Variants in PPARGC1A observed in about 807,000 individuals in gnomAD.
PPARGC1A encodes peroxisome proliferator-activated receptor gamma coactivator 1-alpha.
A neutral mutation model predicts 88.7 loss-of-function variants in PPARGC1A; 25 were observed. That is an observed-to-expected ratio of 0.28 (90% confidence interval 0.21 to 0.39). The LOEUF (loss-of-function observed/expected upper bound fraction) is 0.39, where lower values mean the gene tolerates loss of function less well. Ranked by LOEUF, PPARGC1A falls within the 10% of genes least tolerant of loss-of-function variation. PPARGC1A has a pLI of 1.00. For synonymous variants in PPARGC1A, 363 were observed against 355.6 expected (o/e 1.02, Z -0.24); for missense variants, 880 against 968.7 (o/e 0.91, Z 1.22).
chr4:23,824,479 T>A lies in PPARGC1A; in HGVS notation c.787A>T (p.Thr263Ser). The A allele has an allele frequency of 6.2e-7, 1 of 1,609,852 alleles. No homozygotes were observed. Among genetic ancestry groups the A allele is most frequent in the Non-Finnish European group, 8.5e-7 (1 of 1,176,684 alleles). ...AKPTTLSLPL[T>S]PESPNDPKGS... is the part of the protein sequence containing the mutation. ...AATACTTACTTTGGTGACTCTGGGGTCAGAGGAAGAGATAAAGTTGTTGGT... is the reference window on the plus strand; with the variant it reads ...AATACTTACTTTGGTGACTCTGGGGACAGAGGAAGAGATAAAGTTGTTGGT... Residue 263 changes from threonine (T) to serine (S), a missense_variant, in exon 6 of 13, where the codon ACC (threonine) becomes TCC (serine). By Grantham distance (58) the Thr-to-Ser change is moderately conservative (BLOSUM62 1). Coordinates refer to ENST00000264867, the MANE Select transcript of PPARGC1A (RefSeq NM_013261.5).
chr4:23,941,133 C>T, the PPARGC1A span, among the ~76,000 whole-genome samples: 275 of 151,888 alleles, frequency 1.8e-3, 1 homozygote, highest in South Asian at 0.013. Flanking sequence ...TCACTGTATC[C>T]CCCAACTCCC....
At chr4:24,353,380 G>T in the PPARGC1A span, among the ~76,000 whole-genome samples, 13 of 126,690 alleles carry the variant, frequency 1.0e-4, no homozygotes, top group African/African-American at 3.9e-4. Context: ...CCCTCCCTCT[G>T]TGGGCTTAAA....
At chr4:24,339,309 T>C in the PPARGC1A span, among the ~76,000 whole-genome samples, 1 of 151,442 alleles carries the variant, frequency 6.6e-6, no homozygotes, top group Admixed American at 6.6e-5. Context: ...TATTCCATTG[T>C]ATTCAGTTCA....
At chr4:24,305,133 G>A in the PPARGC1A span, among the ~76,000 whole-genome samples, 100 of 142,912 alleles carry the variant, frequency 7.0e-4, 2 homozygotes, top group East Asian at 0.019. Flanking sequence ...ATATGTGTAT[G>A]TATATATATA....
chr4:23,974,842 A>AGAG, the PPARGC1A span, among the ~76,000 whole-genome samples: 2 of 63,878 alleles, frequency 3.1e-5, no homozygotes, highest in African/African-American at 1.2e-4. Flanking sequence ...TTTTTAGTAG[A>AGAG]GAGGGGGTTT....
the PPARGC1A span, among the ~76,000 whole-genome samples, chr4:24,346,077 C>A: frequency 6.6e-6 from 1 of 152,014 alleles, no homozygotes; most frequent in Non-Finnish European, 1.5e-5. Flanking sequence ...TGTGGTGTAC[C>A]ACATCTATTG....
chr4:24,256,857 C>T, the PPARGC1A span, among the ~76,000 whole-genome samples: 1 of 152,102 alleles, frequency 6.6e-6, no homozygotes, highest in Non-Finnish European at 1.5e-5. Context: ...AGAATGGGGC[C>T]TGGAGAAGAT....
chr4:24,193,205 T>G, the PPARGC1A span, among the ~76,000 whole-genome samples: 1 of 152,186 alleles, frequency 6.6e-6, no homozygotes, highest in Non-Finnish European at 1.5e-5. Context: ...TTTGATGGAG[T>G]TGCCTTTACC....
chr4:24,259,759 T>C, the PPARGC1A span, among the ~76,000 whole-genome samples: 1 of 152,204 alleles, frequency 6.6e-6, no homozygotes, highest in South Asian at 2.1e-4. Context: ...CTAGGTGCTC[T>C]TCCTTTTTTC....
chr4:23,945,635 C>G, the PPARGC1A span, among the ~76,000 whole-genome samples: 1 of 152,132 alleles, frequency 6.6e-6, no homozygotes. Context: ...GTGATCTTAG[C>G]AGGAGGGACG....
the PPARGC1A span, among the ~76,000 whole-genome samples, chr4:24,315,008 A>C: frequency 6.6e-6 from 1 of 150,814 alleles, no homozygotes; most frequent in East Asian, 1.9e-4. Flanking sequence ...CAAATAACTG[A>C]GACATACAGA....
the PPARGC1A span, among the ~76,000 whole-genome samples, chr4:24,155,924 G>A: frequency 1.4e-4 from 22 of 152,174 alleles, no homozygotes; most frequent in Non-Finnish European, 2.8e-4. Flanking sequence ...ATAATTGGGG[G>A]TGGGTCCATG....
chr4:24,140,595 T>G, the PPARGC1A span, among the ~76,000 whole-genome samples: 938 of 152,152 alleles, frequency 6.2e-3, 32 homozygotes, highest in East Asian at 0.098. Context: ...CCAGGACTTG[T>G]GTGCAAGGAA....
chr4:24,319,404 T>C, the PPARGC1A span, among the ~76,000 whole-genome samples: 1 of 152,094 alleles, frequency 6.6e-6, no homozygotes, highest in South Asian at 2.1e-4. Flanking sequence ...TGTCCTGAGA[T>C]GAGAGTTGCT....
At chr4:24,239,054 C>G in the PPARGC1A span, among the ~76,000 whole-genome samples, 7 of 152,230 alleles carry the variant, frequency 4.6e-5, no homozygotes, top group African/African-American at 7.2e-5. Flanking sequence ...TTAGACACAA[C>G]TATTAGTATA....
At chr4:24,445,684 A>G in the PPARGC1A span, among the ~76,000 whole-genome samples, 1 of 152,194 alleles carries the variant, frequency 6.6e-6, no homozygotes, top group African/African-American at 2.4e-5. Flanking sequence ...AAATCCCACC[A>G]TTATACATTT....
At chr4:24,284,641 C>T in the PPARGC1A span, among the ~76,000 whole-genome samples, 11 of 152,320 alleles carry the variant, frequency 7.2e-5, no homozygotes, top group South Asian at 4.1e-4. Context: ...GACAGCTCTG[C>T]CCCTCACCCC....
chr4:24,324,042 T>C, the PPARGC1A span, among the ~76,000 whole-genome samples: 2 of 152,158 alleles, frequency 1.3e-5, no homozygotes, highest in Admixed American at 1.3e-4. Flanking sequence ...CTGGCGCCGG[T>C]CACGGACTGG....
the PPARGC1A span, among the ~76,000 whole-genome samples, chr4:24,020,712 G>A: frequency 6.6e-6 from 1 of 152,072 alleles, no homozygotes; most frequent in Non-Finnish European, 1.5e-5. Flanking sequence ...GGGAAGGGGG[G>A]ACAGAGGAGG....
Sources: gnomAD v4.1 joint callset for allele counts (sites outside exome capture counted in the v4.1 genomes callset) on GRCh38, gnomAD v4.1.1 for gene constraint, MANE v1.5 for transcripts, NCBI Gene and HGNC (gene_info 2026-07-23, HGNC 2026-07-21) for gene names.